Variants in MYLK4 observed in about 807,000 individuals in gnomAD.
MYLK4 encodes the protein caMLCK like.
In MYLK4, 46 loss-of-function variants were observed where a neutral mutation model predicts 48.1. The observed-to-expected ratio is 0.96, with a 90% CI of 0.75 to 1.22. The LOEUF is 1.22. Among genes scored for constraint, MYLK4 ranks in the 50% most tolerant of loss-of-function variants. The pLI, the probability that MYLK4 is intolerant of heterozygous loss-of-function variation, is 0.00. For missense variants in MYLK4, 451 were observed against 486.1 expected, an observed-to-expected ratio of 0.93 and a Z score of 0.68; for synonymous variants, 170 against 180.8, an observed-to-expected ratio of 0.94 and a Z score of 0.48.
intron 4 of MYLK4, among the ~76,000 whole-genome samples, chr6:2,688,127 C>T (rs947361258): frequency 2.0e-5 from 3 of 151,660 alleles, no homozygotes; most frequent in East Asian, 1.9e-4. Flanking sequence ...GGCCTGATCT[C>T]GGCTCACTGC....
chr6:2,687,919 G>A (rs190552584), intron 4 of MYLK4, among the ~76,000 whole-genome samples: 250 of 152,256 alleles, frequency 1.6e-3, no homozygotes, highest in Non-Finnish European at 3.0e-3. Context: ...GGCAGCAAAC[G>A]TTATAATTTA....
chr6:2,714,065 A>G (rs1762778254), intron 2 of MYLK4, among the ~76,000 whole-genome samples: 1 of 152,226 alleles, frequency 6.6e-6, no homozygotes, highest in South Asian at 2.1e-4. Context: ...AAAATAGTGC[A>G]GCTGCTACAG....
At chr6:2,689,750 A>G (rs996135163) in intron 3 of MYLK4, among the ~76,000 whole-genome samples, 4 of 152,274 alleles carry the variant, frequency 2.6e-5, no homozygotes, top group South Asian at 2.1e-4. Context: ...CTGCATGCAT[A>G]CAATAAGAAT....
At chr6:2,735,460 A>C (rs1270020787) in intron 2 of MYLK4, among the ~76,000 whole-genome samples, 1 of 152,238 alleles carries the variant, frequency 6.6e-6, no homozygotes, top group Non-Finnish European at 1.5e-5. Flanking sequence ...CACATTGTTT[A>C]AATATTTGAA....
At chr6:2,690,989 C>T (rs1232287972) in intron 3 of MYLK4, among the ~76,000 whole-genome samples, 2 of 151,924 alleles carry the variant, frequency 1.3e-5, no homozygotes, top group African/African-American at 2.4e-5. Flanking sequence ...CCACCACGCC[C>T]GGCTAATTTT....
At chr6:2,713,559 T>C (rs766909376) in intron 2 of MYLK4, among the ~76,000 whole-genome samples, 5 of 152,110 alleles carry the variant, frequency 3.3e-5, no homozygotes, top group Non-Finnish European at 7.4e-5. Context: ...CTTGGTGAAA[T>C]AGGAGTCGCA....
At chr6:2,675,238 A>G (rs1761042327) in intron 10 of MYLK4, 113 bp from the exon 11 acceptor site, 3 of 741,326 alleles carry the variant, frequency 4.0e-6, no homozygotes, top group Non-Finnish European at 4.8e-6. Context: ...CCGAATGTCA[A>G]CTCATGGTCA....
intron 2 of MYLK4, among the ~76,000 whole-genome samples, chr6:2,711,492 T>C (rs1187743893): frequency 6.6e-6 from 1 of 152,234 alleles, no homozygotes; most frequent in Non-Finnish European, 1.5e-5. Flanking sequence ...CATTAAATGT[T>C]CTTGCCTATG....
chr6:2,745,037 A>T (rs563797650), intron 2 of MYLK4, among the ~76,000 whole-genome samples: 1 of 152,298 alleles, frequency 6.6e-6, no homozygotes, highest in South Asian at 2.1e-4. Context: ...AGGGGTGAAC[A>T]GGCAGGTGGG....
chr6:2,730,469 G>A (rs961274330), intron 2 of MYLK4, among the ~76,000 whole-genome samples: 12 of 152,178 alleles, frequency 7.9e-5, no homozygotes, highest in African/African-American at 2.4e-4. Context: ...GCAGGTCCCC[G>A]TGTGGTTAAA....
At chr6:2,707,545 T>C (rs1762536890) in intron 2 of MYLK4, among the ~76,000 whole-genome samples, 1 of 152,210 alleles carries the variant, frequency 6.6e-6, no homozygotes, top group African/African-American at 2.4e-5. Context: ...TTAATCATAC[T>C]GGCATGAACT....
chr6:2,674,293 T>C lies in MYLK4; in HGVS notation c.1119+754A>G, dbSNP rs185764319. On this transcript the variant is annotated intron_variant, in intron 11 of 12. Coordinates refer to ENST00000274643, the MANE Select transcript of MYLK4 (RefSeq NM_001012418.5). ...ACTTGTATAGATACCCGGACTAAGCTGAGTATTAGAGTTAAGATTTGGTGC... is the reference window on the plus strand; with the variant it reads ...ACTTGTATAGATACCCGGACTAAGCCGAGTATTAGAGTTAAGATTTGGTGC... Among the ~76,000 whole-genome samples, 6 of 152,300 alleles carry C rather than the reference T, an allele frequency of 3.9e-5. No individual in the cohort carries two copies. The East Asian group carries it at 1.2e-3, about 29-fold the overall frequency.
At chr6:2,765,803 G>C in the MYLK4 span, 4 of 1,372,188 alleles carry the variant, frequency 2.9e-6, no homozygotes, top group Non-Finnish European at 3.7e-6. Context: ...CGGGGAGCGG[G>C]CCAAGGGGCC....
intron 4 of MYLK4, among the ~76,000 whole-genome samples, chr6:2,688,209 C>G (rs1476906266): frequency 6.6e-6 from 1 of 152,104 alleles, no homozygotes; most frequent in East Asian, 1.9e-4. Context: ...CAGGCATGCG[C>G]CACCACGCCC....
At chr6:2,715,823 G>A (rs1029523340) in intron 2 of MYLK4, among the ~76,000 whole-genome samples, 24 of 152,220 alleles carry the variant, frequency 1.6e-4, no homozygotes, top group African/African-American at 5.5e-4. Flanking sequence ...TGCCAGAGGA[G>A]ATGAAATGTT....
chr6:2,699,721 T>C (rs1423674154), intron 2 of MYLK4, among the ~76,000 whole-genome samples: 2 of 152,198 alleles, frequency 1.3e-5, no homozygotes, highest in Admixed American at 1.3e-4. Flanking sequence ...TTCCAAGTTT[T>C]CTTATCCTGA....
intron 7 of MYLK4, among the ~76,000 whole-genome samples, chr6:2,680,983 G>A (rs1761277543): frequency 6.6e-6 from 1 of 152,300 alleles, no homozygotes; most frequent in Middle Eastern, 3.4e-3. Flanking sequence ...AAAATGGGGT[G>A]TAGTGCAGCC....
At chr6:2,762,856 G>A in the MYLK4 span, among the ~76,000 whole-genome samples, 1 of 152,196 alleles carries the variant, frequency 6.6e-6, no homozygotes, top group South Asian at 2.1e-4. Context: ...GTTCCTGCCA[G>A]TGGGTTCAGT....
chr6:2,702,365 T>C (rs1447755002), intron 2 of MYLK4, among the ~76,000 whole-genome samples: 3 of 152,098 alleles, frequency 2.0e-5, no homozygotes, highest in Non-Finnish European at 4.4e-5. Flanking sequence ...ATGCAAAGAA[T>C]ACAGTTAGAA....
Sources: gnomAD v4.1 joint callset for allele counts (sites outside exome capture counted in the v4.1 genomes callset) on GRCh38, gnomAD v4.1.1 for gene constraint, MANE v1.5 for transcripts, NCBI Gene and HGNC (gene_info 2026-07-23, HGNC 2026-07-21) for gene names.